Variants in HEBP2 observed in about 807,000 individuals in gnomAD.
HEBP2 encodes heme binding protein 2, also known as heme-binding protein 2.
HEBP2 carries 27 observed loss-of-function variants against 23.1 expected under a neutral mutation model. The observed-to-expected ratio is 1.17, with a 90% CI of 0.86 to 1.61. The LOEUF is 1.61. HEBP2 is among the 40% of genes most tolerant of loss of function. The pLI is 0.00. For synonymous variants in HEBP2, 99 were observed against 95.1 expected, an observed-to-expected ratio of 1.04 and a Z score of -0.24; for missense variants, 245 against 253.8, an observed-to-expected ratio of 0.97 and a Z score of 0.24.
chr6:138,421,770 A>T lies in HEBP2; in HGVS notation c.*8692A>T, dbSNP rs1456424516. On this transcript the variant is annotated 3_prime_UTR_variant, in exon 4 of 4. Transcript: ENST00000607197. ...CTCACGTCTCTCCACATGCCACGTCATCTGAACCGCCAGGCGATAGGTTAT... is the reference window on the plus strand; with the variant it reads ...CTCACGTCTCTCCACATGCCACGTCTTCTGAACCGCCAGGCGATAGGTTAT... 1 of 152,208 alleles carries T rather than the reference A, an allele frequency of 6.6e-6. No homozygotes were observed. Among genetic ancestry groups the T allele is most frequent in the East Asian group, 1.9e-4 (1 of 5,194 alleles). 9.4% of individuals were successfully genotyped at this position (152,208 alleles called of 1,614,324 possible).
At chr6:138,404,826 G>A (rs1459715173) in intron 1 of HEBP2, among the ~76,000 whole-genome samples, 7 of 152,176 alleles carry the variant, frequency 4.6e-5, no homozygotes, top group Admixed American at 6.5e-5. Context: ...GGTGGGGCGG[G>A]GAGGAACTGG....
chr6:138,405,120 C>A lies in HEBP2; in HGVS notation c.103-25C>A. 3.1e-6 allele frequency: 5 copies of A among 1,603,314 alleles called. No individual in the cohort carries two copies. In the South Asian group the frequency reaches 3.4e-5, roughly 11 times the overall value. On this transcript the variant is annotated intron_variant, in intron 1 of 3. Coordinates refer to ENST00000607197, the MANE Select transcript of HEBP2 (RefSeq NM_014320.3). Reference sequence around the variant, plus strand: ...CTCCTACCCTCTTAGAATTGCTTCTCGAAGTTTTCTCTGTTCCACTTTAGC... The same window carrying A: ...CTCCTACCCTCTTAGAATTGCTTCTAGAAGTTTTCTCTGTTCCACTTTAGC...
chr6:138,405,325 C>A, intron 2 of HEBP2, 45 bp downstream of exon 2: 1 of 1,606,936 alleles, frequency 6.2e-7, no homozygotes. Flanking sequence ...TGAAAGAGTC[C>A]CCGGGCTTAT....
chr6:138,411,219 T>C (rs1554216217), intron 3 of HEBP2, among the ~76,000 whole-genome samples: 1 of 152,222 alleles, frequency 6.6e-6, no homozygotes, highest in Non-Finnish European at 1.5e-5. Context: ...TTTTTGTTTA[T>C]ATACTGTAGA....
At chr6:138,412,849 C>T in intron 3 of HEBP2, 31 bp from the exon 4 acceptor site, 1 of 1,577,618 alleles carries the variant, frequency 6.3e-7, no homozygotes, top group Non-Finnish European at 8.7e-7. Flanking sequence ...GTATTAAAAT[C>T]ATTCACGGTT....
Position 138,404,435 on chromosome 6 carries a change from G to A in HEBP2, c.-61G>A. On this transcript the variant is annotated 5_prime_UTR_variant, in exon 1 of 4. Coordinates refer to ENST00000607197, the MANE Select transcript of HEBP2 (RefSeq NM_014320.3). Reference sequence around the variant, plus strand: ...GGCGGGGCGCGCACACGCAGGCGGGGCGGCCCGGGGTGCGGGGCCTCTGCG... The same window carrying A: ...GGCGGGGCGCGCACACGCAGGCGGGACGGCCCGGGGTGCGGGGCCTCTGCG... The A allele has an allele frequency of 9.0e-7, 1 of 1,115,596 alleles. No individual in the cohort carries two copies. The highest frequency in any genetic ancestry group is 1.1e-6 in the Non-Finnish European group (1 of 887,774). 69.1% of individuals were successfully genotyped at this position (1,115,596 alleles called of 1,614,324 possible). A position where few individuals can be genotyped will look rare whatever the true frequency, so the allele number is the denominator to read the frequency against.
At position 138,413,231 on chromosome 6, in the gene HEBP2, A is replaced by C. The variant is rs762858858; in HGVS notation, c.*153A>C. On this transcript the variant is annotated 3_prime_UTR_variant, in exon 4 of 4. Transcript: ENST00000607197. The stretch of plus-strand genomic sequence containing the variant: ...TCCAATGTGCCTTTTTAATGCTTGA[A>C]GTTTTATCTACATACACAGGTAACA... 3.9e-5 allele frequency: 24 copies of C among 623,226 alleles called. No homozygotes were observed. The highest frequency in any genetic ancestry group is 6.5e-5 in the Non-Finnish European group (23 of 354,786). 38.6% of individuals were successfully genotyped at this position (623,226 alleles called of 1,614,324 possible). A position where few individuals can be genotyped will look rare whatever the true frequency, so the allele number is the denominator to read the frequency against.
Position 138,413,093 on chromosome 6 carries a change from A to G in HEBP2, c.*15A>G. The G allele has an allele frequency of 6.2e-7, 1 of 1,604,692 alleles. No individual in the cohort carries two copies. The highest frequency in any genetic ancestry group is 8.5e-7 in the Non-Finnish European group (1 of 1,172,758). The stretch of plus-strand genomic sequence containing the variant: ...AAAACGAATGAGAAAAATGAAAGGA[A>G]GTTCTGCTGTCAGAGGCAAAACATC... On this transcript the variant is annotated 3_prime_UTR_variant, in exon 4 of 4. Transcript: ENST00000607197.
rs530347630 is a variant in HEBP2 at position 138,404,296 on chromosome 6, C to T, written c.-200C>T. 88 of 340,152 alleles carry T rather than the reference C, an allele frequency of 2.6e-4. No homozygotes were observed. The highest frequency in any genetic ancestry group is 1.7e-3 in the African/African-American group (80 of 46,518). 21.1% of individuals were successfully genotyped at this position (340,152 alleles called of 1,614,324 possible). A position where few individuals can be genotyped will look rare whatever the true frequency, so the allele number is the denominator to read the frequency against. On this transcript the variant is annotated 5_prime_UTR_variant, in exon 1 of 4. Transcript: ENST00000607197. ...GCTGTCCGGGGTCGTGAGCCGGCCC[C>T]GCCTTGGTGGCGGCGCCCCCTCGCG...
Position 138,419,697 on chromosome 6 carries a change from T to C in HEBP2, c.*6619T>C, listed in dbSNP as rs1429856862. Reference sequence around the variant, plus strand: ...GAATCAGAAAGCCTGTATGATGCTGTGTCTACAACAGGAATATATAGATTT... The same window carrying C: ...GAATCAGAAAGCCTGTATGATGCTGCGTCTACAACAGGAATATATAGATTT... On this transcript the variant is annotated 3_prime_UTR_variant, in exon 4 of 4. Transcript: ENST00000607197. 1 of 152,180 alleles carries C rather than the reference T, an allele frequency of 6.6e-6. No individual in the cohort carries two copies. Among genetic ancestry groups the C allele is most frequent in the Non-Finnish European group, 1.5e-5 (1 of 68,040 alleles). 9.4% of individuals were successfully genotyped at this position (152,180 alleles called of 1,614,324 possible).
Position 138,416,057 on chromosome 6 carries a change from A to G in HEBP2, c.*2979A>G, listed in dbSNP as rs141081675. 19 of 152,402 alleles carry G rather than the reference A, an allele frequency of 1.2e-4. No individual in the cohort carries two copies. The highest frequency in any genetic ancestry group is 4.3e-4 in the African/African-American group (18 of 41,548). 9.4% of individuals were successfully genotyped at this position (152,402 alleles called of 1,614,324 possible). ...GGCTGAGGGGTCTGATGAGGGAGAA[A>G]TGGGATCTATGCCAGAGGAGCCACC... On this transcript the variant is annotated 3_prime_UTR_variant, in exon 4 of 4. Coordinates refer to ENST00000607197, the MANE Select transcript of HEBP2 (RefSeq NM_014320.3).
chr6:138,408,633 A>C (rs1774690353), intron 3 of HEBP2, among the ~76,000 whole-genome samples: 1 of 152,156 alleles, frequency 6.6e-6, no homozygotes, highest in South Asian at 2.1e-4. Flanking sequence ...TACAGCAGTC[A>C]TGTGTGGACG....
At position 138,413,178 on chromosome 6, in the gene HEBP2, GAGAGT is replaced by G. The variant is rs1438398997; in HGVS notation, c.*102_*106del. Reference sequence around the variant, plus strand: ...AAGTGCGTGTCTAGTGTCTTCTATTGAGAGTACTACTATTAATTAAGCTTATTTCC... The same window carrying G: ...AAGTGCGTGTCTAGTGTCTTCTATTGACTACTATTAATTAAGCTTATTTCC... On this transcript the variant is annotated 3_prime_UTR_variant, in exon 4 of 4. Coordinates refer to ENST00000607197, the MANE Select transcript of HEBP2 (RefSeq NM_014320.3). 4.7e-6 allele frequency: 4 copies of G among 851,846 alleles called. No homozygotes were observed. The highest frequency in any genetic ancestry group is 7.6e-6 in the Non-Finnish European group (4 of 529,350). The allele number at this position is 851,846 out of a possible 1,614,324, so 52.8% of individuals were successfully genotyped here.
intron 2 of HEBP2, 83 bp from the exon 3 acceptor site, chr6:138,405,888 A>G: frequency 8.8e-7 from 1 of 1,137,034 alleles, no homozygotes; most frequent in African/African-American, 1.6e-5. Context: ...AAGTAAATCA[A>G]GGAACCCAGA....
rs1221737683 is a variant in HEBP2, at chr6:138,416,014, C to T, written c.*2936C>T. On this transcript the variant is annotated 3_prime_UTR_variant, in exon 4 of 4. Coordinates refer to ENST00000607197, the MANE Select transcript of HEBP2 (RefSeq NM_014320.3). ...ACCAGGCCTATAACGAGACTTAAGT[C>T]ACAACATAACTGATTGCGGCTGAGG... 6.6e-6 allele frequency: 1 copy of T among 152,200 alleles called. No individual in the cohort carries two copies. Among genetic ancestry groups the T allele is most frequent in the Admixed American group, 6.5e-5 (1 of 15,274 alleles). 9.4% of individuals were successfully genotyped at this position (152,200 alleles called of 1,614,324 possible). A position where few individuals can be genotyped will look rare whatever the true frequency, so the allele number is the denominator to read the frequency against.
intron 3 of HEBP2, among the ~76,000 whole-genome samples, chr6:138,410,014 T>C (rs1774716986): frequency 6.6e-6 from 1 of 152,182 alleles, no homozygotes; most frequent in Non-Finnish European, 1.5e-5. Flanking sequence ...GCTCTAGTAC[T>C]CTCTTTTTCC....
chr6:138,413,447 TTTATC>T lies in HEBP2; in HGVS notation c.*372_*376del, dbSNP rs769183849. ...TAGTATCAATAAAATGTTAAAATTATTTATCTTGTGTGGAACCCCTAGGCTGTCAG... is the reference window on the plus strand; with the variant it reads ...TAGTATCAATAAAATGTTAAAATTATTTGTGTGGAACCCCTAGGCTGTCAG... On this transcript the variant is annotated 3_prime_UTR_variant, in exon 4 of 4. Transcript: ENST00000607197. The T allele has an allele frequency of 7.5e-5, 13 of 174,300 alleles. No individual in the cohort carries two copies. The highest frequency in any genetic ancestry group is 1.3e-4 in the Non-Finnish European group (11 of 81,620). 10.8% of individuals were successfully genotyped at this position (174,300 alleles called of 1,614,324 possible).
In HEBP2 at chr6:138,412,947, A is replaced by C. The variant is rs776485906; in HGVS notation, c.487A>C (p.Arg163=). ...ACTTTTGACATTAGCAAGCATTTTA[A>C]GGGAAGATGGAAAAGTTTTCGATGA... ...EQLLTLASIL[R]EDGKVFDEKV... The change falls in exon 4 of 4, where the codon AGG becomes CGG. Residue 163 remains arginine, a synonymous_variant. Coordinates refer to ENST00000607197, the MANE Select transcript of HEBP2 (RefSeq NM_014320.3). 18 of 1,614,062 alleles carry C rather than the reference A, an allele frequency of 1.1e-5. No homozygotes were observed. In the African/African-American group the frequency reaches 1.2e-4, roughly 11 times the overall value.
rs1167708327 is a variant in HEBP2, at chr6:138,415,730, G to C, written c.*2652G>C. ...ACAAATACTCAACCAAGCCAGGTCT[G>C]TTAGATCAAGGTTGGAATCAAACTT... On this transcript the variant is annotated 3_prime_UTR_variant, in exon 4 of 4. Transcript: ENST00000607197. The C allele has an allele frequency of 6.6e-6, 1 of 152,190 alleles. No homozygotes were observed. Among genetic ancestry groups the C allele is most frequent in the African/African-American group, 2.4e-5 (1 of 41,450 alleles). 9.4% of individuals were successfully genotyped at this position (152,190 alleles called of 1,614,324 possible).
Sources: gnomAD v4.1 joint callset for allele counts (sites outside exome capture counted in the v4.1 genomes callset) on GRCh38, gnomAD v4.1.1 for gene constraint, MANE v1.5 for transcripts, NCBI Gene and HGNC (gene_info 2026-07-23, HGNC 2026-07-21) for gene names.